MAN2A1: variants seen among roughly 807,000 people sequenced by gnomAD.
MAN2A1 encodes mannosidase alpha class 2A member 1.
In MAN2A1, 76 loss-of-function variants were observed where a neutral mutation model predicts 142.6. The observed-to-expected ratio is 0.53, with a 90% CI of 0.44 to 0.65. The LOEUF is 0.65. Among genes scored for constraint, MAN2A1 ranks in the 30% least tolerant of loss-of-function variants. The pLI, the probability that MAN2A1 is intolerant of heterozygous loss-of-function variation, is 0.00. For synonymous variants in MAN2A1, 559 were observed against 473.2 expected (o/e 1.18, Z -2.35); for missense variants, 1,311 against 1,365.1 (o/e 0.96, Z 0.62).
In MAN2A1 at chr5:109,805,104, C is replaced by T. The variant is rs146417341; in HGVS notation, c.1944-12169C>T. Reference sequence around the variant, plus strand: ...TTTCTGAATTGACAAGGAAATAGAACATCTTAATGTTTTAGGTAAAACAGA... The same window carrying T: ...TTTCTGAATTGACAAGGAAATAGAATATCTTAATGTTTTAGGTAAAACAGA... On this transcript the variant is annotated intron_variant, in intron 12 of 21. Transcript: ENST00000261483. Among the ~76,000 whole-genome samples the T allele has an allele frequency of 1.7e-4, 26 of 152,220 alleles. 1 individual carries two copies. In the East Asian group the frequency reaches 4.2e-3, roughly 25 times the overall value.
At chr5:109,727,873 T>G (rs1320478671) in intron 3 of MAN2A1, among the ~76,000 whole-genome samples, 1 of 152,170 alleles carries the variant, frequency 6.6e-6, no homozygotes, top group Non-Finnish European at 1.5e-5. Flanking sequence ...AGGTTAGTAC[T>G]TTGGTGAAGC....
At chr5:109,741,222 G>T (rs1752259041) in intron 4 of MAN2A1, among the ~76,000 whole-genome samples, 1 of 152,130 alleles carries the variant, frequency 6.6e-6, no homozygotes, top group Non-Finnish European at 1.5e-5. Flanking sequence ...GATTAGTGCA[G>T]ATGAATTCTG....
At position 109,774,873 on chromosome 5, in the gene MAN2A1, C is replaced by T; in HGVS notation, c.1282C>T (p.Arg428Cys). The stretch of plus-strand genomic sequence containing the variant: ...CCTGGCTCCACTAGGAGATGATTTC[C>T]GCTACTGTGAATACACGGAATGGGA... ...VLLAPLGDDF[R>C]YCEYTEWDLQ... The change falls in exon 8 of 22, where the codon CGC becomes TGC. Residue 428 changes from arginine (R) to cysteine (C), a missense_variant. By Grantham distance (180) the Arg-to-Cys change is radical. Around this residue, in one of 3 missense-constraint regions of MAN2A1, gnomAD observed 890 missense variants for 920.5 expected, o/e 0.97. Coordinates refer to ENST00000261483, the MANE Select transcript of MAN2A1 (RefSeq NM_002372.4). 1.9e-6 allele frequency: 3 copies of T among 1,611,912 alleles called. No homozygotes were observed. The highest frequency in any genetic ancestry group is 2.5e-6 in the Non-Finnish European group (3 of 1,178,886).
chr5:109,692,801 G>C (rs1750708736), intron 1 of MAN2A1, among the ~76,000 whole-genome samples: 1 of 151,934 alleles, frequency 6.6e-6, no homozygotes, highest in Non-Finnish European at 1.5e-5. Flanking sequence ...GGTGGGGATG[G>C]GGGGAGTCGG....
intron 12 of MAN2A1, among the ~76,000 whole-genome samples, chr5:109,809,384 TC>T (rs1754259281): frequency 6.6e-6 from 1 of 152,174 alleles, no homozygotes; most frequent in Non-Finnish European, 1.5e-5. Flanking sequence ...CATGTTTCCC[TC>T]TGATATTATT....
At chr5:109,747,695 TC>T (rs1752443279) in intron 4 of MAN2A1, among the ~76,000 whole-genome samples, 1 of 152,178 alleles carries the variant, frequency 6.6e-6, no homozygotes, top group African/African-American at 2.4e-5. Context: ...TCTAGGGCTT[TC>T]CCCAAATTGT....
chr5:109,859,189 C>G (rs966983817), intron 20 of MAN2A1, among the ~76,000 whole-genome samples: 1 of 152,146 alleles, frequency 6.6e-6, no homozygotes, highest in Non-Finnish European at 1.5e-5. Flanking sequence ...CAGAATCAGG[C>G]GTTCTGAATC....
At chr5:109,725,520 C>G (rs546672202) in intron 3 of MAN2A1, among the ~76,000 whole-genome samples, 1 of 152,322 alleles carries the variant, frequency 6.6e-6, no homozygotes, top group African/African-American at 2.4e-5. Flanking sequence ...GGCTTCCAGT[C>G]TGGGGCTGTT....
intron 4 of MAN2A1, among the ~76,000 whole-genome samples, chr5:109,738,525 G>T (rs545508101): frequency 6.6e-6 from 1 of 152,124 alleles, no homozygotes; most frequent in Non-Finnish European, 1.5e-5. Context: ...GGTTCTAAAG[G>T]CTGGGAACTG....
At chr5:109,822,580 T>A (rs1248121347) in intron 15 of MAN2A1, among the ~76,000 whole-genome samples, 1 of 152,072 alleles carries the variant, frequency 6.6e-6, no homozygotes, top group African/African-American at 2.4e-5. Context: ...GGTAATTAGG[T>A]ACAAGAAATT....
chr5:109,774,686 G>A (rs1753234725), intron 7 of MAN2A1, 102 bp from the exon 8 acceptor site: 1 of 796,684 alleles, frequency 1.3e-6, no homozygotes, highest in Non-Finnish European at 2.0e-6. Context: ...TTAATAAAAT[G>A]TACTTTTGAA....
At chr5:109,786,702 C>A (rs1327833777) in intron 10 of MAN2A1, among the ~76,000 whole-genome samples, 1 of 151,970 alleles carries the variant, frequency 6.6e-6, no homozygotes, top group Non-Finnish European at 1.5e-5. Context: ...GAATTATTAA[C>A]AAAGAGGTAG....
At chr5:109,784,683 G>C in intron 9 of MAN2A1, 61 bp from the exon 10 acceptor site, 1 of 1,335,846 alleles carries the variant, frequency 7.5e-7, no homozygotes. Context: ...AATGTCACAA[G>C]TTTTAGATTA....
At chr5:109,753,707 C>T (rs886803411) in intron 4 of MAN2A1, among the ~76,000 whole-genome samples, 3 of 152,056 alleles carry the variant, frequency 2.0e-5, no homozygotes, top group Non-Finnish European at 4.4e-5. Flanking sequence ...AATAGTTATT[C>T]ATCCTCTGTG....
intron 3 of MAN2A1, among the ~76,000 whole-genome samples, chr5:109,727,260 A>C (rs1157951152): frequency 3.3e-5 from 5 of 152,118 alleles, no homozygotes; most frequent in Admixed American, 3.3e-4. Context: ...TCCAAGATCA[A>C]GGTGTTGGCA....
intron 4 of MAN2A1, among the ~76,000 whole-genome samples, chr5:109,731,235 TTTAG>T (rs1266467780): frequency 6.6e-6 from 1 of 151,950 alleles, no homozygotes; most frequent in Non-Finnish European, 1.5e-5. Context: ...ATTCTCCTCT[TTTAG>T]TTATTTTGAA....
At chr5:109,828,612 T>C (rs191910056) in intron 16 of MAN2A1, among the ~76,000 whole-genome samples, 1 of 152,328 alleles carries the variant, frequency 6.6e-6, no homozygotes, top group East Asian at 1.9e-4. Context: ...GTACATTTCA[T>C]TGGCGCAAGG....
chr5:109,696,298 A>G lies in MAN2A1; in HGVS notation c.135+5746A>G, dbSNP rs927251999. Among the ~76,000 whole-genome samples, 3 of 151,986 alleles carry G rather than the reference A, an allele frequency of 2.0e-5. No homozygotes were observed. The East Asian group carries it at 5.8e-4, about 29-fold the overall frequency. ...GTATTTTTAGTAGAGACGGGGTTTC[A>G]CCATGTTGGCCAGGATGGTCTCGAT... On this transcript the variant is annotated intron_variant, in intron 1 of 21. Transcript: ENST00000261483.
intron 1 of MAN2A1, among the ~76,000 whole-genome samples, chr5:109,692,714 A>G (rs1003893257): frequency 1.3e-5 from 2 of 151,908 alleles, no homozygotes; most frequent in South Asian, 2.1e-4. Context: ...GATCTGATGT[A>G]AAATATAGAG....
Sources: gnomAD v4.1 joint callset for allele counts (sites outside exome capture counted in the v4.1 genomes callset) on GRCh38, gnomAD v4.1.1 for gene constraint, gnomAD v4.1.1 regional missense constraint, MANE v1.5 for transcripts, NCBI Gene and HGNC (gene_info 2026-07-23, HGNC 2026-07-21) for gene names.